The following SLC8A3 variants were observed in gnomAD, a reference collection of about 807,000 sequenced individuals.
The protein encoded by SLC8A3 is solute carrier family 8 member A3, also known as sodium/calcium exchanger 3.
SLC8A3 carries 37 observed loss-of-function variants against 65.4 expected under a neutral mutation model. The observed-to-expected ratio is 0.57, with a 90% CI of 0.44 to 0.74. SLC8A3 has a LOEUF of 0.74. SLC8A3 is among the 30% of genes least tolerant of loss of function. The pLI is 0.00. For synonymous variants in SLC8A3, 461 were observed against 444.5 expected, an observed-to-expected ratio of 1.04 and a Z score of -0.47; for missense variants, 1,112 against 1,172.1, an observed-to-expected ratio of 0.95 and a Z score of 0.75.
chr14:70,148,213 G>C (rs980668463), intron 2 of SLC8A3, among the ~76,000 whole-genome samples: 1 of 152,132 alleles, frequency 6.6e-6, no homozygotes, highest in Admixed American at 6.5e-5. Context: ...TGATCAAGTA[G>C]GCTAAGCTAA....
At chr14:70,059,097 C>T (rs1219769420) in intron 3 of SLC8A3, 1 of 152,200 alleles carries the variant, frequency 6.6e-6, no homozygotes, top group Non-Finnish European at 1.5e-5. Context: ...AGGCTGAGGG[C>T]AACGTTTTAT....
chr14:70,132,522 C>T (rs79661899), intron 2 of SLC8A3, among the ~76,000 whole-genome samples: 2,107 of 152,184 alleles, frequency 0.014, 49 homozygotes, highest in African/African-American at 0.046. Flanking sequence ...TGTCTGTGTG[C>T]GGGCATGGTG....
chr14:70,102,929 A>C (rs1215691258), intron 2 of SLC8A3, among the ~76,000 whole-genome samples: 1 of 151,878 alleles, frequency 6.6e-6, no homozygotes, highest in Non-Finnish European at 1.5e-5. Context: ...GCTGAGAAAT[A>C]AAAAGCTCAC....
At position 70,052,076 on chromosome 14, in the gene SLC8A3, C is replaced by G; in HGVS notation, c.1927G>C (p.Ala643Pro). The G allele has an allele frequency of 6.2e-7, 1 of 1,607,910 alleles. No homozygotes were observed. Among genetic ancestry groups the G allele is most frequent in the South Asian group, 1.1e-5 (1 of 89,340 alleles). The change falls in exon 4 of 7, where the codon GCC (alanine) becomes CCC (proline). Residue 643 changes from alanine (A) to proline (P), a missense_variant. Physicochemically the swap from Ala to Pro is conservative, Grantham distance 27. Coordinates refer to ENST00000356921, the MANE Select transcript of SLC8A3 (RefSeq NM_182932.3). ...DRKLTMEEEE[A>P]KRIAEMGKPV... ...TTTCCCATCTCTGCTATCCTCTTGG[C>G]CTCCTCTTCTTCCATAGTCAGCTTC...
chr14:70,137,574 C>G (rs549699973), intron 2 of SLC8A3, among the ~76,000 whole-genome samples: 1 of 152,160 alleles, frequency 6.6e-6, no homozygotes, highest in South Asian at 2.1e-4. Flanking sequence ...AAATTCAGCA[C>G]TGTGGTTATT....
At chr14:70,076,460 T>C (rs1830399976) in intron 2 of SLC8A3, among the ~76,000 whole-genome samples, 1 of 152,218 alleles carries the variant, frequency 6.6e-6, no homozygotes, top group African/African-American at 2.4e-5. Flanking sequence ...AATGCATGAA[T>C]GATTAATGAA....
At position 70,121,362 on chromosome 14, in the gene SLC8A3, C is replaced by T. The variant is rs1015109844; in HGVS notation, c.1784+45277G>A. 6.6e-5 allele frequency among the ~76,000 whole-genome samples: 10 copies of T among 152,296 alleles called. No individual in the cohort carries two copies. The East Asian group carries it at 1.2e-3, about 18-fold the overall frequency. Reference sequence around the variant, plus strand: ...ACAGCAGTGCCACCCAAATTCCTTGCTTCAAAAACCTCTGGATTTCTTTTG... The same window carrying T: ...ACAGCAGTGCCACCCAAATTCCTTGTTTCAAAAACCTCTGGATTTCTTTTG... On this transcript the variant is annotated intron_variant, in intron 2 of 6. Transcript: ENST00000356921.
intron 3 of SLC8A3, among the ~76,000 whole-genome samples, chr14:70,058,041 T>C (rs1287568067): frequency 1.3e-5 from 2 of 152,186 alleles, no homozygotes; most frequent in Non-Finnish European, 2.9e-5. Flanking sequence ...CAGTCTCCCT[T>C]TTTTCCTTCC....
In SLC8A3 at chr14:70,157,993, A is replaced by G. The variant is rs1485790966; in HGVS notation, c.1784+8646T>C. 3.3e-5 allele frequency among the ~76,000 whole-genome samples: 5 copies of G among 152,226 alleles called. No homozygotes were observed. In the South Asian group the frequency reaches 8.3e-4, roughly 25 times the overall value. ...GAAAGCAACCCAAGCACAGATGCCA[A>G]TAGTGTGAAGGAAAAGACTATCTGG... On this transcript the variant is annotated intron_variant, in intron 2 of 6. Coordinates refer to ENST00000356921, the MANE Select transcript of SLC8A3 (RefSeq NM_182932.3).
chr14:70,185,418 C>T (rs1883119023), intron 1 of SLC8A3, among the ~76,000 whole-genome samples: 2 of 152,190 alleles, frequency 1.3e-5, no homozygotes, highest in South Asian at 4.1e-4. Context: ...AACAACTGTG[C>T]CCAGAGAATG....
intron 2 of SLC8A3, among the ~76,000 whole-genome samples, chr14:70,103,702 A>AT (rs60200267): frequency 2.6e-5 from 4 of 151,552 alleles, no homozygotes; most frequent in Admixed American, 6.6e-5. Flanking sequence ...CAAAAAAAAA[A>AT]TAACTGAAAA....
chr14:70,170,730 G>C (rs964874256), intron 1 of SLC8A3, among the ~76,000 whole-genome samples: 10 of 152,110 alleles, frequency 6.6e-5, no homozygotes, highest in African/African-American at 9.7e-5. Context: ...AAAACATCAG[G>C]GTGCATATTG....
chr14:70,087,987 C>G (rs981023244), intron 2 of SLC8A3, among the ~76,000 whole-genome samples: 2 of 151,956 alleles, frequency 1.3e-5, no homozygotes, highest in African/African-American at 4.8e-5. Flanking sequence ...AGAACAGGTG[C>G]TACAGGAAGT....
At chr14:70,072,732 T>A (rs962511765) in intron 2 of SLC8A3, among the ~76,000 whole-genome samples, 1 of 152,092 alleles carries the variant, frequency 6.6e-6, no homozygotes, top group Non-Finnish European at 1.5e-5. Context: ...ACTGCAACCT[T>A]TGCCTCCCAG....
At chr14:70,155,967 A>G (rs77127928) in intron 2 of SLC8A3, among the ~76,000 whole-genome samples, 1 of 152,350 alleles carries the variant, frequency 6.6e-6, no homozygotes, top group East Asian at 1.9e-4. Flanking sequence ...TTTGGCTATA[A>G]TTACATTAAC....
At chr14:70,077,833 A>G (rs1890677097) in intron 2 of SLC8A3, among the ~76,000 whole-genome samples, 1 of 152,248 alleles carries the variant, frequency 6.6e-6, no homozygotes, top group Non-Finnish European at 1.5e-5. Flanking sequence ...GGCAGAGTGC[A>G]GTGGCAGAAA....
chr14:70,149,839 C>T (rs188446693), intron 2 of SLC8A3, among the ~76,000 whole-genome samples: 17 of 152,320 alleles, frequency 1.1e-4, no homozygotes, highest in Non-Finnish European at 2.2e-4. Flanking sequence ...AAGTCCATAA[C>T]GTCCACATCG....
At chr14:70,091,720 T>C (rs1319883411) in intron 2 of SLC8A3, among the ~76,000 whole-genome samples, 6 of 152,208 alleles carry the variant, frequency 3.9e-5, no homozygotes, top group African/African-American at 1.4e-4. Flanking sequence ...CTTTCAATAC[T>C]TACTTCAAAC....
intron 2 of SLC8A3, among the ~76,000 whole-genome samples, chr14:70,065,650 T>A (rs772062227): frequency 1.3e-5 from 2 of 152,230 alleles, no homozygotes; most frequent in African/African-American, 2.4e-5. Flanking sequence ...TTTATATGAA[T>A]TTCTGGGCAG....
Sources: gnomAD v4.1 joint callset for allele counts (sites outside exome capture counted in the v4.1 genomes callset) on GRCh38, gnomAD v4.1.1 for gene constraint, MANE v1.5 for transcripts, NCBI Gene and HGNC (gene_info 2026-07-23, HGNC 2026-07-21) for gene names.